KLF7: variants seen among roughly 807,000 people sequenced by gnomAD.
The protein encoded by KLF7 is Krueppel-like factor 7.
In KLF7, 2 loss-of-function variants were observed where a neutral mutation model predicts 27.3. That is an observed-to-expected ratio of 0.07 (90% CI 0.03 to 0.23). KLF7 has a LOEUF of 0.23. Among genes scored for constraint, KLF7 ranks in the 10% least tolerant of loss-of-function variants. The pLI, the probability that KLF7 is intolerant of heterozygous loss-of-function variation, is 1.00. For missense variants in KLF7, 221 were observed against 394.1 expected (o/e 0.56, Z 3.72); for synonymous variants, 165 against 162.4 (o/e 1.02, Z -0.12).
intron 1 of KLF7, among the ~76,000 whole-genome samples, chr2:207,131,317 T>C (rs887025156): frequency 1.3e-5 from 2 of 152,192 alleles, no homozygotes; most frequent in Non-Finnish European, 2.9e-5. Flanking sequence ...TATTGTGTGG[T>C]TTTTGTCACA....
At chr2:207,164,017 G>A (rs2078625790) in intron 1 of KLF7, among the ~76,000 whole-genome samples, 1 of 152,182 alleles carries the variant, frequency 6.6e-6, no homozygotes, top group African/African-American at 2.4e-5. Flanking sequence ...AGCGTCCTTG[G>A]ACAAGAATGC....
chr2:207,160,682 G>C (rs905180810), intron 1 of KLF7, among the ~76,000 whole-genome samples: 1 of 152,192 alleles, frequency 6.6e-6, no homozygotes, highest in Admixed American at 6.5e-5. Context: ...TCTCTGAAGA[G>C]AGTACAATGT....
chr2:207,155,196 G>A (rs2078348657), intron 1 of KLF7, among the ~76,000 whole-genome samples: 1 of 152,216 alleles, frequency 6.6e-6, no homozygotes, highest in African/African-American at 2.4e-5. Flanking sequence ...TAGAGCTGTT[G>A]TGAGCATTCA....
At chr2:207,133,494 G>A (rs1433445085) in intron 1 of KLF7, among the ~76,000 whole-genome samples, 1 of 152,204 alleles carries the variant, frequency 6.6e-6, no homozygotes, top group African/African-American at 2.4e-5. Flanking sequence ...AAGAGCCCAA[G>A]GACGTGGGAG....
intron 2 of KLF7, among the ~76,000 whole-genome samples, chr2:207,096,361 C>T (rs1047550309): frequency 2.0e-5 from 3 of 152,240 alleles, no homozygotes; most frequent in Admixed American, 2.0e-4. Context: ...CTCCCTGTTG[C>T]TGCATCGCAT....
chr2:207,164,756 A>G (rs1052532338), intron 1 of KLF7, among the ~76,000 whole-genome samples: 1 of 152,160 alleles, frequency 6.6e-6, no homozygotes, highest in Non-Finnish European at 1.5e-5. Context: ...TAACTAGAGA[A>G]GGACCCTAAA....
At chr2:207,139,942 G>A (rs1353809584) in intron 1 of KLF7, among the ~76,000 whole-genome samples, 1 of 152,150 alleles carries the variant, frequency 6.6e-6, no homozygotes, top group Non-Finnish European at 1.5e-5. Flanking sequence ...AGGCTGGAGT[G>A]CAGTGGCGCA....
intron 2 of KLF7, among the ~76,000 whole-genome samples, chr2:207,119,380 G>A (rs3791991): frequency 0.57 from 86,602 of 151,988 alleles, 26,141 homozygotes; most frequent in Admixed American, 0.67. Context: ...TAATTAAGAA[G>A]AAATGTAGAA....
At chr2:207,122,583 G>A (rs1157951912) in intron 2 of KLF7, among the ~76,000 whole-genome samples, 2 of 152,154 alleles carry the variant, frequency 1.3e-5, no homozygotes, top group Non-Finnish European at 2.9e-5. Context: ...GTGAGGTAAA[G>A]GAACAGGCTC....
upstream of KLF7, chr2:207,166,955 C>T: frequency 1.1e-6 from 1 of 882,072 alleles, no homozygotes. Context: ...CCGCCGCCGC[C>T]CTCCCTCCCG....
intron 3 of KLF7, among the ~76,000 whole-genome samples, chr2:207,085,482 C>T (rs2076366882): frequency 6.6e-6 from 1 of 152,198 alleles, no homozygotes; most frequent in African/African-American, 2.4e-5. Context: ...TGAAAAACCA[C>T]TTATCCCTCT....
At chr2:207,157,219 TA>T (rs5838052) in intron 1 of KLF7, among the ~76,000 whole-genome samples, 44,370 of 88,096 alleles carry the variant, frequency 0.5, 8,044 homozygotes, top group East Asian at 0.66. Flanking sequence ...AACAGAAAAG[TA>T]AAAAAAAAAA....
At chr2:207,151,606 C>T (rs1230788766) in intron 1 of KLF7, among the ~76,000 whole-genome samples, 1 of 152,144 alleles carries the variant, frequency 6.6e-6, no homozygotes, top group Non-Finnish European at 1.5e-5. Context: ...TCTATGACCA[C>T]ATAATGTCTG....
At chr2:207,098,106 T>A (rs1262119031) in intron 2 of KLF7, among the ~76,000 whole-genome samples, 1 of 130,510 alleles carries the variant, frequency 7.7e-6, no homozygotes, top group Non-Finnish European at 1.8e-5. Flanking sequence ...AAACTATATT[T>A]ATTATTTTTT....
chr2:207,163,277 G>T (rs2078601344), intron 1 of KLF7, among the ~76,000 whole-genome samples: 1 of 152,214 alleles, frequency 6.6e-6, no homozygotes, highest in African/African-American at 2.4e-5. Context: ...GAATAAGTTG[G>T]CTAAGGGTTT....
intron 1 of KLF7, among the ~76,000 whole-genome samples, chr2:207,135,450 T>C (rs1474138181): frequency 1.3e-5 from 2 of 151,202 alleles, no homozygotes; most frequent in East Asian, 3.9e-4. Flanking sequence ...GAAGGTTTAA[T>C]TTCCTGCTTC....
chr2:207,135,836 A>G (rs572145501), intron 1 of KLF7, among the ~76,000 whole-genome samples: 2 of 152,274 alleles, frequency 1.3e-5, no homozygotes, highest in South Asian at 4.1e-4. Flanking sequence ...AAAAAATTAA[A>G]TGCTTACTGT....
chr2:207,159,353 T>C (rs560946480), intron 1 of KLF7, among the ~76,000 whole-genome samples: 1 of 152,336 alleles, frequency 6.6e-6, no homozygotes, highest in East Asian at 1.9e-4. Context: ...AAGTATGTTT[T>C]ATAAACAAGG....
At chr2:207,147,607 C>T (rs956187397) in intron 1 of KLF7, among the ~76,000 whole-genome samples, 13 of 152,124 alleles carry the variant, frequency 8.5e-5, no homozygotes, top group Non-Finnish European at 1.5e-4. Context: ...AGGCTTCTAT[C>T]CCCCACTCCA....
Sources: allele counts gnomAD v4.1 joint callset (sites outside exome capture counted in the v4.1 genomes callset), GRCh38; gene constraint gnomAD v4.1.1; transcripts MANE v1.5; gene names NCBI Gene and HGNC (gene_info 2026-07-23, HGNC 2026-07-21).